FAM53A: variants seen among roughly 807,000 people sequenced by gnomAD.
FAM53A encodes the protein protein FAM53A.
Under a neutral mutation model 26.6 loss-of-function variants are expected in FAM53A, and 28 were observed. That is an observed-to-expected ratio of 1.05 (90% CI 0.78 to 1.45). FAM53A has a LOEUF of 1.45. Among genes scored for constraint, FAM53A ranks in the 40% most tolerant of loss-of-function variants. FAM53A has a pLI of 0.00. For missense variants in FAM53A, 650 were observed against 575.8 expected (o/e 1.13, Z -1.32); for synonymous variants, 290 against 253.1 (o/e 1.15, Z -1.38).
chr4:1,653,036 C>A (rs1713016405), intron 4 of FAM53A, among the ~76,000 whole-genome samples: 1 of 151,010 alleles, frequency 6.6e-6, no homozygotes, highest in South Asian at 2.1e-4. Context: ...TACACACACA[C>A]AACACATAGA....
At chr4:1,614,690 A>T (rs1714746188), downstream of FAM53A, among the ~76,000 whole-genome samples, 1 of 152,070 alleles carries the variant, frequency 6.6e-6, no homozygotes, top group South Asian at 2.1e-4. Flanking sequence ...AGCCCAGGGG[A>T]GGTTCCTGCC....
At chr4:1,602,036 G>A in the FAM53A span, among the ~76,000 whole-genome samples, 1 of 151,168 alleles carries the variant, frequency 6.6e-6, no homozygotes. Context: ...TGGTGGAGGT[G>A]GGCCGGGGGA....
chr4:1,594,027 G>A, the FAM53A span, among the ~76,000 whole-genome samples: 1 of 152,160 alleles, frequency 6.6e-6, no homozygotes, highest in South Asian at 2.1e-4. Context: ...GGGCCGCTGG[G>A]GGCAGCTCCC....
At chr4:1,578,566 A>T in the FAM53A span, among the ~76,000 whole-genome samples, 1 of 151,560 alleles carries the variant, frequency 6.6e-6, no homozygotes, top group Non-Finnish European at 1.5e-5. Context: ...TGGGGGCAGA[A>T]GATTTGTCGT....
rs943929243 is a variant in FAM53A at position 1,644,392 on chromosome 4, G to A, written c.883-2785C>T. On this transcript the variant is annotated intron_variant, in intron 4 of 4. Transcript: ENST00000308132. Reference sequence around the variant, plus strand: ...TGAACGCCTCTGGACGACACAGTCGGTGCAGGAGAAAAAACTTCTGCCCAC... The same window carrying A: ...TGAACGCCTCTGGACGACACAGTCGATGCAGGAGAAAAAACTTCTGCCCAC... 19 of 1,522,368 alleles carry A rather than the reference G, an allele frequency of 1.2e-5. No homozygotes were observed. In the Admixed American group the frequency reaches 3.6e-4, roughly 29 times the overall value. The allele number at this position is 1,522,368 out of a possible 1,614,324, so 94.3% of individuals were successfully genotyped here. A position where few individuals can be genotyped will look rare whatever the true frequency, so the allele number is the denominator to read the frequency against.
intron 1 of FAM53A, among the ~76,000 whole-genome samples, chr4:1,677,369 C>G (rs1715115648): frequency 6.6e-6 from 1 of 152,202 alleles, no homozygotes; most frequent in South Asian, 2.1e-4. Context: ...GCTGTTGCCG[C>G]TGTTCTAGGA....
chr4:1,609,510 T>G, the FAM53A span, among the ~76,000 whole-genome samples: 4 of 152,164 alleles, frequency 2.6e-5, no homozygotes, highest in Non-Finnish European at 5.9e-5. Flanking sequence ...GCTGTTCTCC[T>G]GACAACAAGT....
At chr4:1,622,643 C>T (rs772766277) in intron 1 of FAM53A, among the ~76,000 whole-genome samples, 5 of 152,220 alleles carry the variant, frequency 3.3e-5, no homozygotes, top group Admixed American at 6.5e-5. Flanking sequence ...CTGGCGGGGG[C>T]TGTGAGGGGA....
At chr4:1,684,671 G>C (rs1407515830), upstream of FAM53A, among the ~76,000 whole-genome samples, 7 of 151,912 alleles carry the variant, frequency 4.6e-5, no homozygotes, top group Admixed American at 4.6e-4. Context: ...GTCGGCACTA[G>C]CCGTGGCTCA....
At chr4:1,661,128 A>C (rs2108951766) in intron 2 of FAM53A, among the ~76,000 whole-genome samples, 1 of 151,850 alleles carries the variant, frequency 6.6e-6, no homozygotes, top group East Asian at 2.0e-4. Flanking sequence ...TCAGCCCGGG[A>C]ACTGCTGCTC....
chr4:1,653,805 C>T (rs1713085400), intron 4 of FAM53A, among the ~76,000 whole-genome samples: 1 of 152,240 alleles, frequency 6.6e-6, no homozygotes, highest in East Asian at 1.9e-4. Flanking sequence ...TCCTGGAGGA[C>T]CCTGGGGGAT....
At chr4:1,649,152 G>GGGGAAGGGGAAAGGGAAGGGGAAA (rs1560150945) in intron 4 of FAM53A, among the ~76,000 whole-genome samples, 10 of 137,366 alleles carry the variant, frequency 7.3e-5, no homozygotes, top group Non-Finnish European at 7.8e-5. Flanking sequence ...GGAAAGGGAA[G>GGGGAAGGGGAAAGGGAAGGGGAAA]GGGAAAGGGA....
chr4:1,585,970 C>T, the FAM53A span, among the ~76,000 whole-genome samples: 2 of 152,130 alleles, frequency 1.3e-5, no homozygotes, highest in African/African-American at 4.8e-5. Flanking sequence ...CTCCTGGGAT[C>T]AAGCAATCCT....
intron 1 of FAM53A, 44 bp from the exon 2 acceptor site, chr4:1,668,949 A>G (rs1714441095): frequency 1.9e-6 from 1 of 521,604 alleles, no homozygotes. Context: ...TATACGCAAA[A>G]CCATTTTGTT....
At chr4:1,621,100 A>G (rs796720959) in intron 1 of FAM53A, among the ~76,000 whole-genome samples, 20 of 77,306 alleles carry the variant, frequency 2.6e-4, no homozygotes, top group African/African-American at 1.1e-3. Context: ...CAGCTACGCT[A>G]CTTTTTTTTT....
intron 2 of FAM53A, among the ~76,000 whole-genome samples, chr4:1,665,535 T>C (rs1714161288): frequency 6.6e-6 from 1 of 151,472 alleles, no homozygotes; most frequent in Non-Finnish European, 1.5e-5. Flanking sequence ...ATAAAAAGGT[T>C]TGTCCTCCTT....
chr4:1,667,127 C>CA (rs570780273), intron 2 of FAM53A, among the ~76,000 whole-genome samples: 159 of 130,168 alleles, frequency 1.2e-3, no homozygotes, highest in African/African-American at 2.5e-3. Flanking sequence ...GACTCCATCT[C>CA]AAAAAAAAAA....
At chr4:1,642,513 C>T (rs762878476) in intron 4 of FAM53A, among the ~76,000 whole-genome samples, 23 of 152,276 alleles carry the variant, frequency 1.5e-4, no homozygotes, top group Middle Eastern at 3.4e-3. Context: ...GCTGCACCCC[C>T]CAACCAGAGC....
At chr4:1,680,827 G>A (rs980892436) in intron 1 of FAM53A, among the ~76,000 whole-genome samples, 1 of 151,738 alleles carries the variant, frequency 6.6e-6, no homozygotes, top group East Asian at 1.9e-4. Context: ...CCAGGGGCCA[G>A]GGGTAGAGAG....
Sources: gnomAD v4.1 joint callset for allele counts (sites outside exome capture counted in the v4.1 genomes callset) on GRCh38, gnomAD v4.1.1 for gene constraint, MANE v1.5 for transcripts, NCBI Gene and HGNC (gene_info 2026-07-23, HGNC 2026-07-21) for gene names.